The following RECK variants were observed in gnomAD, a reference collection of about 807,000 sequenced individuals.
RECK encodes the protein reversion-inducing cysteine-rich protein with Kazal motifs.
A neutral mutation model predicts 115.1 loss-of-function variants in RECK; 69 were observed. That is an observed-to-expected ratio of 0.60 (90% CI 0.49 to 0.73). The LOEUF is 0.73. Ranked by LOEUF, RECK falls within the 30% of genes least tolerant of loss-of-function variation. The pLI, the probability that RECK is intolerant of heterozygous loss-of-function variation, is 0.00. For synonymous variants in RECK, 414 were observed against 419.7 expected (o/e 0.99, Z 0.17); for missense variants, 1,047 against 1,203.7 (o/e 0.87, Z 1.93).
At chr9:36,054,101 C>T (rs1821420037) in intron 2 of RECK, among the ~76,000 whole-genome samples, 1 of 152,090 alleles carries the variant, frequency 6.6e-6, no homozygotes, top group Non-Finnish European at 1.5e-5. Flanking sequence ...GGAGAGAGAC[C>T]AGGGCTGTTA....
chr9:36,064,146 A>T (rs1821896193), intron 5 of RECK, among the ~76,000 whole-genome samples: 1 of 152,198 alleles, frequency 6.6e-6, no homozygotes, highest in South Asian at 2.1e-4. Flanking sequence ...AATTTAGGTC[A>T]TCCATACTTT....
chr9:36,119,433 T>C (rs1233502262), intron 18 of RECK, among the ~76,000 whole-genome samples: 1 of 152,242 alleles, frequency 6.6e-6, no homozygotes, highest in Admixed American at 6.5e-5. Context: ...TTTAGTTGCA[T>C]ATAATCAGAA....
intron 6 of RECK, among the ~76,000 whole-genome samples, chr9:36,068,359 A>T (rs1393245793): frequency 6.6e-6 from 1 of 152,230 alleles, no homozygotes; most frequent in Non-Finnish European, 1.5e-5. Flanking sequence ...CAGGGAGATA[A>T]TCTAATCTTT....
At chr9:36,065,131 G>A (rs1821935532) in intron 5 of RECK, among the ~76,000 whole-genome samples, 1 of 143,328 alleles carries the variant, frequency 7.0e-6, no homozygotes, top group Non-Finnish European at 1.5e-5. Context: ...AGCAAGTTCA[G>A]AATGAAAGTT....
At chr9:36,117,853 G>A (rs1369638719) in intron 17 of RECK, among the ~76,000 whole-genome samples, 1 of 152,152 alleles carries the variant, frequency 6.6e-6, no homozygotes, top group Non-Finnish European at 1.5e-5. Context: ...GGTGGCACAT[G>A]CCTGTAATCC....
chr9:36,056,272 A>C (rs972805824), intron 2 of RECK, among the ~76,000 whole-genome samples: 1 of 152,152 alleles, frequency 6.6e-6, no homozygotes. Context: ...TACTGTTATT[A>C]CTTCTTTGAA....
intron 16 of RECK, 23 bp from the exon 17 acceptor site, chr9:36,116,962 G>A (rs377614922): frequency 3.8e-5 from 60 of 1,587,076 alleles, no homozygotes; most frequent in Non-Finnish European, 4.8e-5. Context: ...ATTGGCTCAT[G>A]GTGCTGCATT....
At position 36,083,483 on chromosome 9, in the gene RECK, T is replaced by C. The variant is rs779916913; in HGVS notation, c.558T>C (p.Tyr186=). The C allele has an allele frequency of 3.1e-6, 5 of 1,614,104 alleles. No homozygotes were observed. Among genetic ancestry groups the C allele is most frequent in the Non-Finnish European group, 4.2e-6 (5 of 1,179,972 alleles). Residue 186 remains tyrosine, a synonymous_variant, in exon 8 of 21, where the codon TAT becomes TAC. Coordinates refer to ENST00000377966, the MANE Select transcript of RECK (RefSeq NM_021111.3). ...CTCAGATAAAAGCAGTGGAAAATTATTGCGCCTCTATTAGTCCACAATTAA... is the reference window on the plus strand; with the variant it reads ...CTCAGATAAAAGCAGTGGAAAATTACTGCGCCTCTATTAGTCCACAATTAA... ...GPSQIKAVEN[Y]CASISPQLIH... is the part of the protein sequence containing the mutation.
Position 36,112,325 on chromosome 9 carries a change from G to A in RECK, c.1909G>A (p.Asp637Asn). 1.9e-6 allele frequency: 3 copies of A among 1,613,334 alleles called. No individual in the cohort carries two copies. Among genetic ancestry groups the A allele is most frequent in the Non-Finnish European group, 8.5e-7 (1 of 1,179,946 alleles). The change falls in exon 16 of 21, where the codon GAT becomes AAT. Residue 637 changes from aspartate (D) to asparagine (N), a missense_variant. Coordinates refer to ENST00000377966, the MANE Select transcript of RECK (RefSeq NM_021111.3). The stretch of plus-strand genomic sequence containing the variant: ...CTCAGGTCTGCCCTGTAACTGTGCA[G>A]ATCAGTTTGTCCCTGTATGTGGGCA... Reference protein sequence around the residue: ...TFTGLPCNCADQFVPVCGQNG... With the variant: ...TFTGLPCNCANQFVPVCGQNG...
At chr9:36,088,247 T>C (rs554771193) in intron 9 of RECK, among the ~76,000 whole-genome samples, 1 of 152,240 alleles carries the variant, frequency 6.6e-6, no homozygotes, top group South Asian at 2.1e-4. Flanking sequence ...TCTATCCTTA[T>C]AGAGATCATT....
intron 6 of RECK, among the ~76,000 whole-genome samples, chr9:36,078,991 G>A (rs1822574127): frequency 6.6e-6 from 1 of 152,080 alleles, no homozygotes; most frequent in South Asian, 2.1e-4. Context: ...CGCCTCCCAG[G>A]TTCAAGTGAT....
At chr9:36,048,510 C>T (rs1173706905) in intron 1 of RECK, among the ~76,000 whole-genome samples, 2 of 152,016 alleles carry the variant, frequency 1.3e-5, no homozygotes, top group Non-Finnish European at 2.9e-5. Context: ...CTGTTTCAGG[C>T]CTCTATAATT....
chr9:36,052,659 AT>A (rs1234397388), intron 2 of RECK, among the ~76,000 whole-genome samples: 1 of 152,204 alleles, frequency 6.6e-6, no homozygotes, highest in African/African-American at 2.4e-5. Flanking sequence ...CATAATTTGA[AT>A]TATGAAGAAG....
chr9:36,080,468 T>G, intron 6 of RECK, 137 bp from the exon 7 acceptor site: 1 of 715,526 alleles, frequency 1.4e-6, no homozygotes, highest in Non-Finnish European at 2.4e-6. Context: ...TCATAACTTC[T>G]GTGTTTTCAG....
chr9:36,091,299 G>GGAACC lies in RECK; in HGVS notation c.1041_1042insGAACC (p.Leu348GlufsTer34). The GGAACC allele has an allele frequency of 5.0e-6, 8 of 1,603,808 alleles. No individual in the cohort carries two copies. Among genetic ancestry groups the GGAACC allele is most frequent in the Non-Finnish European group, 6.8e-6 (8 of 1,176,134 alleles). On this transcript the variant is annotated frameshift_variant, in exon 10 of 21. Coordinates refer to ENST00000377966, the MANE Select transcript of RECK (RefSeq NM_021111.3). LOFTEE classifies it high-confidence loss of function. ...TAGCGGATGTCCGGGAACCTTGCCA[G>GGAACC]TTGGGCTGTAGAAACCTTACTTACT...
rs761649232 is a variant in RECK at position 36,043,191 on chromosome 9, ATTTTTTTTT to A, written c.100+6109_100+6117del. Among the ~76,000 whole-genome samples the A allele has an allele frequency of 1.3e-4, 7 of 54,002 alleles. No homozygotes were observed. In the East Asian group the frequency reaches 4.8e-3, roughly 37 times the overall value. The allele number at this position is 54,002 out of a possible 152,430, so 35.4% of individuals were successfully genotyped here. The stretch of plus-strand genomic sequence containing the variant: ...AGGCGCCTGCCACCACGCCTGGCTA[ATTTTTTTTT>A]TTTTTTTTTTTTTTTGCGTTTTTAG... On this transcript the variant is annotated intron_variant, in intron 1 of 20. Transcript: ENST00000377966.
At chr9:36,040,357 G>A (rs976801331) in intron 1 of RECK, among the ~76,000 whole-genome samples, 5 of 152,156 alleles carry the variant, frequency 3.3e-5, no homozygotes, top group East Asian at 3.9e-4. Flanking sequence ...ACTGAGATCC[G>A]AAGGCTGAGA....
At chr9:36,046,758 T>C (rs911442520) in intron 1 of RECK, among the ~76,000 whole-genome samples, 5 of 152,254 alleles carry the variant, frequency 3.3e-5, no homozygotes, top group Non-Finnish European at 7.3e-5. Context: ...AGTGGAAATA[T>C]AATTTTTCTT....
At chr9:36,046,284 C>T (rs938786093) in intron 1 of RECK, among the ~76,000 whole-genome samples, 1 of 152,098 alleles carries the variant, frequency 6.6e-6, no homozygotes, top group African/African-American at 2.4e-5. Context: ...AGTTGAATGA[C>T]CCAATTAATC....
Sources: gnomAD v4.1 joint callset for allele counts (sites outside exome capture counted in the v4.1 genomes callset) on GRCh38, gnomAD v4.1.1 for gene constraint, MANE v1.5 for transcripts, NCBI Gene and HGNC (gene_info 2026-07-23, HGNC 2026-07-21) for gene names.